RAB40B: variants seen among roughly 807,000 people sequenced by gnomAD.
RAB40B encodes the protein ras-related protein Rab-40B.
A neutral mutation model predicts 24.0 loss-of-function variants in RAB40B; 21 were observed. The observed-to-expected ratio is 0.88, with a 90% CI of 0.62 to 1.26. RAB40B has a LOEUF of 1.26. RAB40B is among the 50% of genes most tolerant of loss of function. The pLI, the probability that RAB40B is intolerant of heterozygous loss-of-function variation, is 0.00. For missense variants in RAB40B, 348 were observed against 390.5 expected (o/e 0.89, Z 0.92); for synonymous variants, 167 against 169.8 (o/e 0.98, Z 0.13).
intron 1 of RAB40B, among the ~76,000 whole-genome samples, chr17:82,669,260 G>A (rs2046302982): frequency 6.6e-6 from 1 of 152,164 alleles, no homozygotes; most frequent in Non-Finnish European, 1.5e-5. Flanking sequence ...TGGATCACCT[G>A]AGGTCAGGAG....
chr17:82,662,660 C>T (rs993148722), intron 2 of RAB40B: 17 of 985,186 alleles, frequency 1.7e-5, no homozygotes, highest in Middle Eastern at 5.2e-4. Flanking sequence ...GAGCTGGCAC[C>T]GGCACCACAG....
Position 82,658,546 on chromosome 17 carries a change from C to T in RAB40B, c.510G>A (p.Leu170=). The T allele has an allele frequency of 1.2e-6, 2 of 1,613,558 alleles. No individual in the cohort carries two copies. Among genetic ancestry groups the T allele is most frequent in the East Asian group, 2.2e-5 (1 of 44,864 alleles). Residue 170 remains leucine, a synonymous_variant, in exon 5 of 6, where the codon CTG becomes CTA. Transcript: ENST00000571995. The stretch of plus-strand genomic sequence containing the variant: ...CATGCCGCAGCAGCACGATCCTGGC[C>T]AGCTCCGTGAACGACTCTGTGATGT... ...NFNITESFTE[L]ARIVLLRHGM... is the part of the protein sequence containing the mutation.
chr17:82,694,112 C>T (rs1168507341), intron 1 of RAB40B, among the ~76,000 whole-genome samples: 2 of 149,120 alleles, frequency 1.3e-5, no homozygotes, highest in African/African-American at 5.0e-5. Context: ...AGGAAAACTC[C>T]AAAACTAAGA....
At chr17:82,688,445 T>G (rs2046524574) in intron 1 of RAB40B, among the ~76,000 whole-genome samples, 1 of 151,170 alleles carries the variant, frequency 6.6e-6, no homozygotes, top group Non-Finnish European at 1.5e-5. Context: ...AAACCCCATC[T>G]CTATTAAAAA....
At chr17:82,686,024 A>G (rs140779446) in intron 1 of RAB40B, among the ~76,000 whole-genome samples, 32 of 149,568 alleles carry the variant, frequency 2.1e-4, no homozygotes, top group East Asian at 1.2e-3. Flanking sequence ...GGCTGGTCTC[A>G]AACTGCTGAA....
chr17:82,659,565 A>G lies in RAB40B; in HGVS notation c.342+15T>C, dbSNP rs766424870. On this transcript the variant is annotated intron_variant, in intron 4 of 5. Coordinates refer to ENST00000571995, the MANE Select transcript of RAB40B (RefSeq NM_006822.3). ...GCCTACAGGGATCTTGGGCAGTGGC[A>G]TTTCTACAACATACCTCATCGATCT... 5.0e-6 allele frequency: 8 copies of G among 1,613,794 alleles called. No individual in the cohort carries two copies. Among genetic ancestry groups the G allele is most frequent in the Non-Finnish European group, 6.8e-6 (8 of 1,179,716 alleles).
intron 3 of RAB40B, among the ~76,000 whole-genome samples, 181 bp downstream of exon 3, chr17:82,660,806 T>C (rs2046162134): frequency 6.6e-6 from 1 of 152,242 alleles, no homozygotes; most frequent in African/African-American, 2.4e-5. Context: ...TCCGTAATAC[T>C]GATGAAGTCT....
Position 82,698,524 on chromosome 17 carries a change from C to A in RAB40B, c.73G>T (p.Val25Leu). Residue 25 changes from valine to leucine, a missense_variant, in exon 1 of 6, where the codon GTG becomes TTG. Physicochemically the swap from Val to Leu is conservative, Grantham distance 32. This residue lies in a region of RAB40B where 101 missense variants were observed against 85.5 expected (regional missense o/e 1.18). Coordinates refer to ENST00000571995, the MANE Select transcript of RAB40B (RefSeq NM_006822.3). ...CTCGCCAGGATCTCGCCCTTGCCCA[C>A]GTCGCTGTCGCCCACCAGCAGGAAC... ...LKFLLVGDSD[V>L]GKGEILASLQ... 6.5e-7 allele frequency: 1 copy of A among 1,530,004 alleles called. No individual in the cohort carries two copies. Among genetic ancestry groups the A allele is most frequent in the Non-Finnish European group, 8.8e-7 (1 of 1,134,136 alleles). 94.8% of individuals were successfully genotyped at this position (1,530,004 alleles called of 1,614,324 possible).
intron 4 of RAB40B, 95 bp from the exon 5 acceptor site, chr17:82,658,808 G>A (rs2046122884): frequency 3.5e-6 from 4 of 1,126,892 alleles, no homozygotes; most frequent in Non-Finnish European, 5.0e-6. Flanking sequence ...AACCCCCCAC[G>A]AGTTCATGTC....
At chr17:82,670,969 C>T (rs566546284) in intron 1 of RAB40B, among the ~76,000 whole-genome samples, 2 of 152,096 alleles carry the variant, frequency 1.3e-5, no homozygotes, top group African/African-American at 2.4e-5. Flanking sequence ...GAACCCCTGT[C>T]TCCCTTCCCC....
Position 82,661,034 on chromosome 17 carries a change from G to T in RAB40B, c.217C>A (p.Gln73Lys), listed in dbSNP as rs764792723. 6.2e-7 allele frequency: 1 copy of T among 1,613,972 alleles called. No individual in the cohort carries two copies. Among genetic ancestry groups the T allele is most frequent in the Admixed American group, 1.7e-5 (1 of 60,016 alleles). ...VKLQLWDTSG[Q>K]GRFCTIFRSY... ...CGGAATATGGTACAAAATCTTCCCT[G>T]GCCTGAAGTATCCCTGGAAAAGATG... Residue 73 changes from glutamine (Q) to lysine (K), a missense_variant, in exon 3 of 6, where the codon CAG becomes AAG. By Grantham distance (53) the Gln-to-Lys change is moderately conservative (BLOSUM62 1). Coordinates refer to ENST00000571995, the MANE Select transcript of RAB40B (RefSeq NM_006822.3).
chr17:82,694,187 A>T (rs1442297930), intron 1 of RAB40B, among the ~76,000 whole-genome samples: 1 of 151,728 alleles, frequency 6.6e-6, no homozygotes, highest in Non-Finnish European at 1.5e-5. Context: ...CAGCTAGAAC[A>T]GTTTACTGAA....
Position 82,657,655 on chromosome 17 carries a change from C to T in RAB40B, c.*208G>A. The T allele has an allele frequency of 1.4e-6, 1 of 705,444 alleles. No homozygotes were observed. The highest frequency in any genetic ancestry group is 2.6e-6 in the Non-Finnish European group (1 of 387,256). The allele number at this position is 705,444 out of a possible 1,614,324, so 43.7% of individuals were successfully genotyped here. On this transcript the variant is annotated 3_prime_UTR_variant, in exon 6 of 6. Coordinates refer to ENST00000571995, the MANE Select transcript of RAB40B (RefSeq NM_006822.3). ...AGTACTAATTTTCCCTTTACAAACA[C>T]ACATCGAAAACAAGAGCTTCATGCA...
intron 1 of RAB40B, among the ~76,000 whole-genome samples, chr17:82,686,665 G>T (rs1038210733): frequency 1.3e-5 from 2 of 152,242 alleles, no homozygotes; most frequent in Admixed American, 6.5e-5. Flanking sequence ...TGCCAAGGGA[G>T]CGTGGCCCAG....
chr17:82,667,795 C>CCG lies in RAB40B; in HGVS notation c.143-3241_143-3240dup, dbSNP rs560941526. Among the ~76,000 whole-genome samples the CCG allele has an allele frequency of 4.7e-4, 72 of 152,298 alleles. No individual in the cohort carries two copies. The highest frequency in any genetic ancestry group is 1.4e-3 in the African/African-American group (60 of 41,566). On this transcript the variant is annotated intron_variant, in intron 1 of 5. Transcript: ENST00000571995. This position sits in a 1 kb window ranked among gnomAD's most constrained non-coding sequence, Gnocchi z 4.3. ...ACCCGCTTTGCAGACGCCACCTGCC[C>CCG]CGTGATGAGGCTCAGACAGAGCGGC...
At chr17:82,674,876 G>A (rs1024996728) in intron 1 of RAB40B, among the ~76,000 whole-genome samples, 3 of 152,066 alleles carry the variant, frequency 2.0e-5, no homozygotes, top group Admixed American at 1.3e-4. Flanking sequence ...AGTAGGCAGA[G>A]GAGAAAGAAC....
At chr17:82,668,102 ACC>A (rs2046280396) in intron 1 of RAB40B, 1 of 153,352 alleles carries the variant, frequency 6.5e-6, no homozygotes, top group South Asian at 2.0e-4. Context: ...CTCAGGGGAG[ACC>A]CACAGTGGGT....
chr17:82,692,212 G>A lies in RAB40B; in HGVS notation c.142+6243C>T, dbSNP rs1249086250. Among the ~76,000 whole-genome samples the A allele has an allele frequency of 6.9e-6, 1 of 145,322 alleles. No homozygotes were observed. Among genetic ancestry groups the A allele is most frequent in the Non-Finnish European group, 1.5e-5 (1 of 66,250 alleles). On this transcript the variant is annotated intron_variant, in intron 1 of 5. Coordinates refer to ENST00000571995, the MANE Select transcript of RAB40B (RefSeq NM_006822.3). This position sits in a 1 kb window ranked among gnomAD's most constrained non-coding sequence, Gnocchi z 4.0. ...GGTCCGTGGGCTGAGGTGACAGGCAGAGCAGTGGGGCCCGCACGGTCCGTG... is the reference window on the plus strand; with the variant it reads ...GGTCCGTGGGCTGAGGTGACAGGCAAAGCAGTGGGGCCCGCACGGTCCGTG...
intron 1 of RAB40B, chr17:82,696,544 A>T (rs77467263): frequency 6.1e-6 from 1 of 163,068 alleles, no homozygotes; most frequent in Non-Finnish European, 1.3e-5. Context: ...CCGAGGGCAC[A>T]GTGCAGACAA....
Sources: allele counts gnomAD v4.1 joint callset (sites outside exome capture counted in the v4.1 genomes callset), GRCh38; gene constraint gnomAD v4.1.1; regional missense constraint gnomAD v4.1.1; non-coding constraint Gnocchi (gnomAD v3.1); transcripts MANE v1.5; gene names NCBI Gene and HGNC (gene_info 2026-07-23, HGNC 2026-07-21).